The following TTLL13 variants were observed in gnomAD, a reference collection of about 807,000 sequenced individuals.
TTLL13 encodes the protein tubulin polyglutamylase TTLL13.
At chr15:90,258,449 C>T in the TTLL13 span, 2 of 660,072 alleles carry the variant, frequency 3.0e-6, no homozygotes, top group Non-Finnish European at 5.2e-6. Flanking sequence ...TGAGTCAAAT[C>T]TTGGTGGTTT....
chr15:90,259,003 T>C, the TTLL13 span: 11 of 1,609,550 alleles, frequency 6.8e-6, no homozygotes, highest in Non-Finnish European at 8.5e-6. Context: ...ATGAAGAATG[T>C]GGCCTGGGGC....
the TTLL13 span, chr15:90,265,348 T>G: frequency 1.6e-6 from 2 of 1,218,922 alleles, no homozygotes; most frequent in Non-Finnish European, 2.1e-6. Context: ...GCTGTCGCCG[T>G]CAGAAGACTG....
At chr15:90,254,299 C>A in the TTLL13 span, among the ~76,000 whole-genome samples, 5 of 151,720 alleles carry the variant, frequency 3.3e-5, no homozygotes, top group African/African-American at 9.7e-5. Context: ...TCAAGACCAG[C>A]CTGACCAACA....
chr15:90,256,598 TTTCTTTCTTTCCTTCCTTCC>T, the TTLL13 span, among the ~76,000 whole-genome samples: 29 of 31,328 alleles, frequency 9.3e-4, 1 homozygote, highest in African/African-American at 1.8e-3. Flanking sequence ...TCTTTCTTTC[TTTCTTTCTTTCCTTCCTTCC>T]TTCCTTCCTT....
At chr15:90,257,318 CA>C in the TTLL13 span, 6 of 1,588,040 alleles carry the variant, frequency 3.8e-6, no homozygotes, top group Admixed American at 1.1e-4. Context: ...TTTCCACTGC[CA>C]AAAGTGCTGA....
At chr15:90,258,994 T>A in the TTLL13 span, 1 of 1,611,264 alleles carries the variant, frequency 6.2e-7, no homozygotes, top group Middle Eastern at 1.7e-4. Flanking sequence ...CTCCTTTAGA[T>A]GAAGAATGTG....
the TTLL13 span, chr15:90,262,031 G>A: frequency 4.6e-6 from 7 of 1,535,092 alleles, no homozygotes; most frequent in East Asian, 1.7e-4. Flanking sequence ...GTCATCCCAT[G>A]TGGCAATGCT....
the TTLL13 span, chr15:90,263,825 C>T: frequency 2.7e-6 from 2 of 734,282 alleles, no homozygotes; most frequent in Admixed American, 2.0e-5. Flanking sequence ...GGGGCTGCCA[C>T]AGAGCAGGGC....
At chr15:90,250,746 C>G in the TTLL13 span, 1 of 1,614,166 alleles carries the variant, frequency 6.2e-7, no homozygotes, top group Non-Finnish European at 8.5e-7. Flanking sequence ...TCACAGCAGG[C>G]TCTCTTAAAA....
chr15:90,263,423 C>T, the TTLL13 span: 1 of 482,302 alleles, frequency 2.1e-6, no homozygotes, highest in African/African-American at 1.9e-5. Context: ...CCAAAATAAC[C>T]CCACACTCAT....
At chr15:90,264,903 GC>G in the TTLL13 span, 2 of 1,535,912 alleles carry the variant, frequency 1.3e-6, no homozygotes, top group Non-Finnish European at 1.7e-6. Context: ...GTTCCCCTCT[GC>G]CCTGCGTCTG....
the TTLL13 span, chr15:90,265,082 C>G: frequency 1.5e-6 from 2 of 1,347,338 alleles, no homozygotes; most frequent in Non-Finnish European, 9.8e-7. Flanking sequence ...AAGCCCTGCC[C>G]AGGAACCCCA....
chr15:90,253,260 G>A, the TTLL13 span: 1 of 1,613,822 alleles, frequency 6.2e-7, no homozygotes, highest in Non-Finnish European at 8.5e-7. Context: ...GCGTCGGGCA[G>A]CCCAAATGTG....
chr15:90,258,192 G>A, the TTLL13 span: 1 of 1,614,232 alleles, frequency 6.2e-7, no homozygotes, highest in African/African-American at 1.3e-5. Flanking sequence ...GTATCTGAAT[G>A]GAGGTACATG....
the TTLL13 span, among the ~76,000 whole-genome samples, chr15:90,259,284 G>GGA: frequency 6.6e-6 from 1 of 152,062 alleles, no homozygotes; most frequent in African/African-American, 2.4e-5. Flanking sequence ...CAGCTACTCA[G>GGA]GAGGCTGAGG....
chr15:90,252,043 C>CTT, the TTLL13 span, among the ~76,000 whole-genome samples: 16 of 133,480 alleles, frequency 1.2e-4, no homozygotes, highest in African/African-American at 4.3e-4. Context: ...TCACCTAATT[C>CTT]TTTTTTTTTT....
chr15:90,257,559 G>A, the TTLL13 span: 2 of 1,343,176 alleles, frequency 1.5e-6, no homozygotes, highest in East Asian at 4.6e-5. Context: ...GAGGGGTGGG[G>A]AGCAACAAGG....
At chr15:90,256,567 TTC>T in the TTLL13 span, among the ~76,000 whole-genome samples, 14 of 30,442 alleles carry the variant, frequency 4.6e-4, no homozygotes, top group Admixed American at 1.4e-3. Context: ...CTTTCTTTCT[TTC>T]TTTCTTTCTT....
the TTLL13 span, chr15:90,258,587 T>G: frequency 2.3e-5 from 15 of 659,218 alleles, no homozygotes; most frequent in African/African-American, 2.5e-4. Context: ...GAGATCTCTA[T>G]GGCAGAGTTT....
Sources: gnomAD v4.1 joint callset for allele counts (sites outside exome capture counted in the v4.1 genomes callset) on GRCh38, gnomAD v4.1.1 for gene constraint, MANE v1.5 for transcripts, NCBI Gene and HGNC (gene_info 2026-07-23, HGNC 2026-07-21) for gene names.